Variants in PDZD2 observed in about 807,000 individuals in gnomAD.
PDZD2 encodes the protein PDZ domain-containing protein 2.
Under a neutral mutation model 220.7 loss-of-function variants are expected in PDZD2, and 90 were observed. The ratio of observed to expected loss-of-function variants is 0.41; its 90% CI spans 0.34 to 0.49. The LOEUF (loss-of-function observed/expected upper bound fraction) is 0.49. PDZD2 is among the 20% of genes least tolerant of loss of function. PDZD2 has a pLI of 0.28. For missense variants in PDZD2, 3,174 were observed against 3,608.5 expected (o/e 0.88, Z 3.08); for synonymous variants, 1,375 against 1,450.5 (o/e 0.95, Z 1.18).
chr5:31,730,710 GA>G (rs1384866082), intron 1 of PDZD2, among the ~76,000 whole-genome samples: 2 of 152,008 alleles, frequency 1.3e-5, no homozygotes, highest in African/African-American at 4.8e-5. Flanking sequence ...GACGGTCTTG[GA>G]ATGAGTCTCA....
chr5:31,712,716 G>A (rs66794813), intron 1 of PDZD2, among the ~76,000 whole-genome samples: 20,549 of 152,130 alleles, frequency 0.14, 1,547 homozygotes, highest in East Asian at 0.21. Flanking sequence ...AGGAGTGGAG[G>A]AATACACTTT....
intron 2 of PDZD2, among the ~76,000 whole-genome samples, chr5:31,975,802 TA>T (rs386418212): frequency 0.44 from 29,208 of 66,888 alleles, 7,988 homozygotes; most frequent in South Asian, 0.5. Context: ...ACTTTTTTTT[TA>T]TTTATTTTTT....
chr5:31,743,790 T>C (rs1750411661), intron 1 of PDZD2, among the ~76,000 whole-genome samples: 1 of 151,758 alleles, frequency 6.6e-6, no homozygotes, highest in Non-Finnish European at 1.5e-5. Flanking sequence ...GCCTCAGATA[T>C]GAAAGAAATG....
chr5:31,692,703 G>A (rs115492212), intron 1 of PDZD2, among the ~76,000 whole-genome samples: 5,396 of 152,340 alleles, frequency 0.035, 104 homozygotes, highest in Middle Eastern at 0.11. Flanking sequence ...CGTGGACAGT[G>A]TGAGGGCTCA....
At chr5:31,907,361 G>T (rs1742748912) in intron 2 of PDZD2, among the ~76,000 whole-genome samples, 1 of 152,146 alleles carries the variant, frequency 6.6e-6, no homozygotes. Context: ...TCTTATAAGG[G>T]TACTAATCCC....
chr5:31,644,288 A>G (rs1019710388), intron 1 of PDZD2, among the ~76,000 whole-genome samples: 1 of 152,212 alleles, frequency 6.6e-6, no homozygotes, highest in African/African-American at 2.4e-5. Flanking sequence ...TTGATCTCCT[A>G]TTATCCATAC....
At chr5:31,965,543 G>T (rs1748661408) in intron 2 of PDZD2, among the ~76,000 whole-genome samples, 1 of 152,176 alleles carries the variant, frequency 6.6e-6, no homozygotes, top group South Asian at 2.1e-4. Context: ...CATATCAAAG[G>T]TTACCGGCTC....
intron 2 of PDZD2, among the ~76,000 whole-genome samples, chr5:31,937,724 G>A (rs10062461): frequency 0.81 from 124,040 of 152,220 alleles, 50,778 homozygotes; most frequent in African/African-American, 0.89. Flanking sequence ...TGTTCCTACC[G>A]TCGCCACCCC....
intron 1 of PDZD2, among the ~76,000 whole-genome samples, chr5:31,766,732 A>AT (rs35486584): frequency 0.33 from 47,534 of 143,700 alleles, 9,069 homozygotes; most frequent in Middle Eastern, 0.46. Context: ...CTTAAGCAGA[A>AT]TTTTTTTTTT....
At chr5:31,794,413 T>TTTTTG (rs1332545048) in intron 1 of PDZD2, among the ~76,000 whole-genome samples, 1 of 129,620 alleles carries the variant, frequency 7.7e-6, no homozygotes, top group Non-Finnish European at 1.6e-5. Context: ...TTTTTTTTTT[T>TTTTTG]TTGAGATGGA....
intron 2 of PDZD2, among the ~76,000 whole-genome samples, chr5:31,863,242 C>G (rs1737892871): frequency 6.6e-6 from 1 of 152,210 alleles, no homozygotes; most frequent in Admixed American, 6.5e-5. Context: ...CCCTAACCTT[C>G]TCAGAGGCCC....
At chr5:31,998,697 A>G (rs1174844440) in intron 4 of PDZD2, among the ~76,000 whole-genome samples, 1 of 152,228 alleles carries the variant, frequency 6.6e-6, no homozygotes, top group Admixed American at 6.5e-5. Flanking sequence ...CTTGGGCTAC[A>G]CATAAACTAC....
intron 1 of PDZD2, among the ~76,000 whole-genome samples, chr5:31,658,517 C>T (rs897020549): frequency 2.6e-5 from 4 of 152,158 alleles, no homozygotes; most frequent in Non-Finnish European, 1.5e-5. Context: ...TCTGTGTTTC[C>T]TCTCCACCAT....
At chr5:32,082,167 G>A (rs764071184) in intron 19 of PDZD2, among the ~76,000 whole-genome samples, 4 of 151,596 alleles carry the variant, frequency 2.6e-5, no homozygotes, top group Non-Finnish European at 4.4e-5. Context: ...GATTACAGGC[G>A]CCCACCACCA....
At chr5:31,962,154 T>C (rs1748303594) in intron 2 of PDZD2, among the ~76,000 whole-genome samples, 1 of 152,240 alleles carries the variant, frequency 6.6e-6, no homozygotes, top group South Asian at 2.1e-4. Flanking sequence ...ACTTTGTGCC[T>C]GATGATTTAA....
rs200655067 is a variant in PDZD2, at chr5:31,641,546, TA to T, written c.-361+2110del. 8.2e-3 allele frequency among the ~76,000 whole-genome samples: 1,130 copies of T among 137,566 alleles called. 25 individuals carry two copies. The highest frequency in any genetic ancestry group is 0.036 in the African/African-American group (1,058 of 29,334). 90.2% of individuals were successfully genotyped at this position (137,566 alleles called of 152,430 possible). A position where few individuals can be genotyped will look rare whatever the true frequency, so the allele number is the denominator to read the frequency against. On this transcript the variant is annotated intron_variant, in intron 1 of 24. Coordinates refer to ENST00000438447, the MANE Select transcript of PDZD2 (RefSeq NM_178140.4). The stretch of plus-strand genomic sequence containing the variant: ...CCAGATAGTAGGGAGATGTGTGAGA[TA>T]TTTTTTTTTTTTGAGACTGGGTCTC...
At position 31,812,023 on chromosome 5, in the gene PDZD2, TAAATAAATAAATAAAA is replaced by T. The variant is rs574713014; in HGVS notation, c.476+12301_476+12316del. Among the ~76,000 whole-genome samples, 354 of 150,438 alleles carry T rather than the reference TAAATAAATAAATAAAA, an allele frequency of 2.4e-3. 2 individuals carry two copies. The highest frequency in any genetic ancestry group is 7.6e-3 in the African/African-American group (315 of 41,182). On this transcript the variant is annotated intron_variant, in intron 2 of 24. Transcript: ENST00000438447. ...ATAAATAAATAAATAAATAAATAAA[TAAATAAATAAATAAAA>T]ATTCAAGCTCTGTTAAGTACATGTC...
In PDZD2 at chr5:31,936,325, A is replaced by C. The variant is rs559796391; in HGVS notation, c.477-46830A>C. The C allele has an allele frequency of 4.4e-5, 43 of 987,564 alleles. No homozygotes were observed. In the African/African-American group the frequency reaches 6.1e-4, roughly 14 times the overall value. 61.2% of individuals were successfully genotyped at this position (987,564 alleles called of 1,614,324 possible). On this transcript the variant is annotated intron_variant, in intron 2 of 24. Coordinates refer to ENST00000438447, the MANE Select transcript of PDZD2 (RefSeq NM_178140.4). ...TGCTGAAGCACAGCAGAGCACGCTC[A>C]CCTGACCAGCTCATAAAGCAGGTAG...
In PDZD2 at chr5:32,101,033, C is replaced by T; in HGVS notation, c.8219-72C>T. The T allele has an allele frequency of 1.2e-5, 20 of 1,601,438 alleles. No homozygotes were observed. In the South Asian group the frequency reaches 2.1e-4, roughly 17 times the overall value. On this transcript the variant is annotated intron_variant, in intron 23 of 24. Transcript: ENST00000438447. ...GTACATGGGGCTGGAGGCGATGCAT[C>T]CTGGGGGACTTGGACATGTGGCATG...
Sources: allele counts gnomAD v4.1 joint callset (sites outside exome capture counted in the v4.1 genomes callset), GRCh38; gene constraint gnomAD v4.1.1; transcripts MANE v1.5; gene names NCBI Gene and HGNC (gene_info 2026-07-23, HGNC 2026-07-21).